LAMA3: variants seen among roughly 807,000 people sequenced by gnomAD.
LAMA3 encodes the protein laminin subunit alpha-3.
LAMA3 carries 281 observed loss-of-function variants against 402.0 expected under a neutral mutation model. That is an observed-to-expected ratio of 0.70 (90% CI 0.63 to 0.77). The LOEUF (loss-of-function observed/expected upper bound fraction) is 0.77, where lower values mean the gene tolerates loss of function less well. Among genes scored for constraint, LAMA3 ranks in the 30% least tolerant of loss-of-function variants. The pLI is 0.00. For missense variants in LAMA3, 3,840 were observed against 4,215.5 expected (o/e 0.91, Z 2.47); for synonymous variants, 1,431 against 1,558.4 (o/e 0.92, Z 1.93).
intron 45 of LAMA3, 32 bp from the exon 46 acceptor site, chr18:23,898,922 A>T: frequency 6.3e-7 from 1 of 1,592,590 alleles, no homozygotes; most frequent in Non-Finnish European, 8.6e-7. Context: ...TATTGACTTA[A>T]TTTGCTGCTA....
chr18:23,818,162 T>TA (rs1173185894), intron 18 of LAMA3, among the ~76,000 whole-genome samples: 1 of 152,062 alleles, frequency 6.6e-6, no homozygotes, highest in African/African-American at 2.4e-5. Flanking sequence ...CTTAAAAAAA[T>TA]AAAAAAATGT....
chr18:23,933,068 G>C (rs911551753), intron 66 of LAMA3, among the ~76,000 whole-genome samples: 4 of 152,220 alleles, frequency 2.6e-5, no homozygotes, highest in African/African-American at 9.6e-5. Flanking sequence ...AGAATCGTGA[G>C]ATAAAGCAAA....
At chr18:23,842,886 G>C in intron 29 of LAMA3, 136 bp downstream of exon 29, 1 of 1,117,768 alleles carries the variant, frequency 8.9e-7, no homozygotes, top group African/African-American at 1.5e-5. Flanking sequence ...AAATTTTACA[G>C]CTGTCTTTTA....
At chr18:23,851,147 T>C (rs2063934825) in intron 32 of LAMA3, among the ~76,000 whole-genome samples, 1 of 152,224 alleles carries the variant, frequency 6.6e-6, no homozygotes, top group Non-Finnish European at 1.5e-5. Context: ...GGCAATTTCT[T>C]TGATGCACTT....
intron 5 of LAMA3, among the ~76,000 whole-genome samples, chr18:23,751,645 C>T (rs143502930): frequency 3.2e-3 from 482 of 152,274 alleles, no homozygotes; most frequent in South Asian, 8.9e-3. Flanking sequence ...ATATCATAGC[C>T]TCACTTAGAT....
At chr18:23,938,947 A>G (rs888921494) in intron 67 of LAMA3, among the ~76,000 whole-genome samples, 1 of 152,088 alleles carries the variant, frequency 6.6e-6, no homozygotes, top group Non-Finnish European at 1.5e-5. Flanking sequence ...AATCAAAGCC[A>G]CACTAGGGCA....
At chr18:23,913,860 C>T (rs1324422852) in intron 56 of LAMA3, among the ~76,000 whole-genome samples, 4 of 152,110 alleles carry the variant, frequency 2.6e-5, no homozygotes, top group African/African-American at 9.7e-5. Context: ...AATTTATTCT[C>T]GAATGTACTT....
At chr18:23,852,736 G>A (rs2063974418) in intron 32 of LAMA3, among the ~76,000 whole-genome samples, 1 of 152,170 alleles carries the variant, frequency 6.6e-6, no homozygotes, top group Non-Finnish European at 1.5e-5. Flanking sequence ...TTGTCTAATA[G>A]GATAAAGACC....
chr18:23,822,489 A>C, intron 20 of LAMA3, 114 bp downstream of exon 20: 2 of 1,163,760 alleles, frequency 1.7e-6, no homozygotes, highest in Non-Finnish European at 2.5e-6. Flanking sequence ...AGCCTGGCTC[A>C]TGGTCTGGTT....
chr18:23,841,888 C>T (rs2063709767), intron 27 of LAMA3, among the ~76,000 whole-genome samples: 1 of 152,022 alleles, frequency 6.6e-6, no homozygotes, highest in Non-Finnish European at 1.5e-5. Flanking sequence ...CCCCACTGCC[C>T]TCCAGCCTGG....
chr18:23,827,007 A>T (rs1175295073), intron 22 of LAMA3, among the ~76,000 whole-genome samples: 2 of 152,196 alleles, frequency 1.3e-5, no homozygotes, highest in Non-Finnish European at 1.5e-5. Flanking sequence ...AGGAGTGGCT[A>T]CCACCCTCCA....
chr18:23,847,104 G>A (rs566797621), intron 31 of LAMA3, among the ~76,000 whole-genome samples: 57 of 152,336 alleles, frequency 3.7e-4, no homozygotes, highest in South Asian at 1.2e-3. Flanking sequence ...GGCTCTGGAC[G>A]CACAGGGTAC....
intron 59 of LAMA3, among the ~76,000 whole-genome samples, chr18:23,916,001 A>G (rs1315531951): frequency 3.1e-5 from 1 of 32,026 alleles, no homozygotes; most frequent in Non-Finnish European, 7.5e-5. Context: ...GTGAGACTCC[A>G]TCTCCAAAAA....
At chr18:23,698,595 C>T (rs991147304) in intron 1 of LAMA3, among the ~76,000 whole-genome samples, 8 of 152,282 alleles carry the variant, frequency 5.3e-5, no homozygotes, top group South Asian at 2.1e-4. Flanking sequence ...CTTAATTGAC[C>T]GCTTTAACAG....
At chr18:23,904,975 T>A (rs2081195535) in intron 51 of LAMA3, among the ~76,000 whole-genome samples, 1 of 152,160 alleles carries the variant, frequency 6.6e-6, no homozygotes, top group African/African-American at 2.4e-5. Flanking sequence ...CAGGTATGCT[T>A]CTATGCTGTG....
chr18:23,875,071 C>T (rs1054305904), intron 38 of LAMA3, among the ~76,000 whole-genome samples: 5 of 152,088 alleles, frequency 3.3e-5, no homozygotes, highest in African/African-American at 4.8e-5. Flanking sequence ...CACCATGTTG[C>T]CCAGGCTGAT....
At chr18:23,842,246 C>A in intron 27 of LAMA3, 149 bp from the exon 28 acceptor site, 2 of 950,874 alleles carry the variant, frequency 2.1e-6, no homozygotes, top group Non-Finnish European at 3.3e-6. Context: ...TGTGTGAAGG[C>A]TTCTGGGTGA....
chr18:23,773,639 G>A (rs770229057), intron 9 of LAMA3, 52 bp downstream of exon 9: 14 of 1,151,494 alleles, frequency 1.2e-5, no homozygotes, highest in African/African-American at 4.6e-5. Context: ...CTGCCTCAGC[G>A]AAGTCATCAG....
chr18:23,894,969 C>T lies in LAMA3; in HGVS notation c.5524C>T (p.Leu1842=), dbSNP rs1324174276. ...GGCCACCATGGGCGAGCAGCTCCGC[C>T]TGGTCAAGTCTCAGCTGCAGGGCCT... The part of the protein sequence containing the change: ...DLATMGEQLR[L]VKSQLQGLSA... The change falls in exon 44 of 75, where the codon CTG becomes TTG. Residue 1842 remains leucine (L), a synonymous_variant. Transcript: ENST00000313654. 5.0e-6 allele frequency: 8 copies of T among 1,614,028 alleles called. No individual in the cohort carries two copies. In the East Asian group the frequency reaches 1.8e-4, roughly 36 times the overall value.
Sources: allele counts gnomAD v4.1 joint callset (sites outside exome capture counted in the v4.1 genomes callset), GRCh38; gene constraint gnomAD v4.1.1; transcripts MANE v1.5; gene names NCBI Gene and HGNC (gene_info 2026-07-23, HGNC 2026-07-21).